The following TNFRSF13B variants were observed in gnomAD, a reference collection of about 807,000 sequenced individuals.
TNFRSF13B encodes TNF receptor superfamily member 13B, also known as tumor necrosis factor receptor superfamily member 13B.
In TNFRSF13B, 34 loss-of-function variants were observed where a neutral mutation model predicts 24.0. The ratio of observed to expected loss-of-function variants is 1.41; its 90% confidence interval spans 1.08 to 1.88. TNFRSF13B has a LOEUF of 1.88. TNFRSF13B is among the 40% of genes most tolerant of loss of function. The probability of loss-of-function intolerance (pLI) is 0.00; values close to 1 mark genes in which losing one functional copy is unlikely to be tolerated. For synonymous variants in TNFRSF13B, 173 were observed against 150.3 expected, an observed-to-expected ratio of 1.15 and a Z score of -1.10; for missense variants, 415 against 380.8, an observed-to-expected ratio of 1.09 and a Z score of -0.75.
Position 16,940,391 on chromosome 17 carries a change from CT to C in TNFRSF13B, c.565del (p.Arg189GlyfsTer32). 1.9e-6 allele frequency: 3 copies of C among 1,614,090 alleles called. No homozygotes were observed. The highest frequency in any genetic ancestry group is 2.5e-6 in the Non-Finnish European group (3 of 1,180,022). On this transcript the variant is annotated frameshift_variant, in exon 4 of 5. Transcript: ENST00000261652. LOFTEE classifies it high-confidence loss of function. ...LVAVACFLKK[R>X]GDPCSCQPRS... ...GGGCTGGCAGGAGCAGGGATCCCCC[CT>C]CTTCTTGAGGAAGCAGGCCACCGCC...
chr17:16,940,622 G>C, intron 3 of TNFRSF13B, 111 bp from the exon 4 acceptor site: 1 of 1,528,764 alleles, frequency 6.5e-7, no homozygotes, highest in Non-Finnish European at 8.8e-7. Flanking sequence ...CTGGCTCCTG[G>C]AGAGGCTGGG....
In TNFRSF13B at chr17:16,939,568, C is replaced by T; in HGVS notation, c.861G>A (p.Gln287=). The T allele has an allele frequency of 6.2e-7, 1 of 1,613,474 alleles. No homozygotes were observed. The highest frequency in any genetic ancestry group is 8.5e-7 in the Non-Finnish European group (1 of 1,179,714). ...CCATTTATGCACCTGGGCCCCCCTC[C>T]TGGGCAGGCACACACACAATGCCAA... is the stretch of plus-strand genomic sequence containing the variant. ...SGLGIVCVPA[Q]EGGPGA Residue 287 remains glutamine (Q), a synonymous_variant, in exon 5 of 5, where the codon CAG becomes CAA. Coordinates refer to ENST00000261652, the MANE Select transcript of TNFRSF13B (RefSeq NM_012452.3).
Position 16,966,995 on chromosome 17 carries a change from T to A in TNFRSF13B, c.61+5020A>T, listed in dbSNP as rs142420009. ...CTGGGATTACAGGCACTCGCCAGCA[T>A]GCCTGGCTAATTTTTGTATTTTTAG... On this transcript the variant is annotated intron_variant, in intron 1 of 4. Coordinates refer to ENST00000261652, the MANE Select transcript of TNFRSF13B (RefSeq NM_012452.3). Among the ~76,000 whole-genome samples, 1,174 of 152,064 alleles carry A rather than the reference T, an allele frequency of 7.7e-3. 21 individuals carry two copies. The highest frequency in any genetic ancestry group is 0.027 in the African/African-American group (1,106 of 41,468).
chr17:16,939,746 T>G lies in TNFRSF13B; in HGVS notation c.683A>C (p.Glu228Ala), dbSNP rs201886192. 14 of 1,608,966 alleles carry G rather than the reference T, an allele frequency of 8.7e-6. No individual in the cohort carries two copies. The African/African-American group carries it at 1.3e-4, about 15-fold the overall frequency. Reference protein sequence around the residue: ...SPVSTSPEPVETCSFCFPECR... With the variant: ...SPVSTSPEPVATCSFCFPECR... ...CTCAGGGAAGCAGAAGCTGCAGGTCTCCACTGGCTCGGGGGATGTGCTCAC... is the reference window on the plus strand; with the variant it reads ...CTCAGGGAAGCAGAAGCTGCAGGTCGCCACTGGCTCGGGGGATGTGCTCAC... The change falls in exon 5 of 5, where the codon GAG becomes GCG. Residue 228 changes from glutamate (E) to alanine (A), a missense_variant. Coordinates refer to ENST00000261652, the MANE Select transcript of TNFRSF13B (RefSeq NM_012452.3).
chr17:16,947,531 T>C (rs965767356), intron 3 of TNFRSF13B, among the ~76,000 whole-genome samples: 1 of 152,140 alleles, frequency 6.6e-6, no homozygotes, highest in East Asian at 1.9e-4. Context: ...CACTAAAAAG[T>C]AGGCAAAAGA....
In TNFRSF13B at chr17:16,948,861, G is replaced by A. The variant is rs1214363861; in HGVS notation, c.322C>T (p.Leu108Phe). The A allele has an allele frequency of 6.2e-7, 1 of 1,614,122 alleles. No homozygotes were observed. The highest frequency in any genetic ancestry group is 8.5e-7 in the Non-Finnish European group (1 of 1,180,036). ...GGTGGAAGGTTCACTGGGCTCCTGA[G>A]CTTGTTCTCACAGAAGTATGCACAT... ...KQCAYFCENK[L>F]RSPVNLPPEL... Residue 108 changes from leucine to phenylalanine, a missense_variant, in exon 3 of 5, where the codon CTC (leucine) becomes TTC (phenylalanine). Physicochemically the swap from Leu to Phe is conservative, Grantham distance 22. Transcript: ENST00000261652.
chr17:16,953,416 A>G (rs773549644), intron 1 of TNFRSF13B, among the ~76,000 whole-genome samples: 6 of 152,192 alleles, frequency 3.9e-5, no homozygotes, highest in Non-Finnish European at 8.8e-5. Flanking sequence ...TGATGTATGT[A>G]TGCACCTGTG....
intron 1 of TNFRSF13B, among the ~76,000 whole-genome samples, chr17:16,953,610 A>G (rs1465562270): frequency 2.0e-5 from 3 of 152,124 alleles, no homozygotes; most frequent in African/African-American, 4.8e-5. Context: ...CCTGAGACTC[A>G]TCCATGTGGG....
At chr17:16,946,823 A>G (rs1369319460) in intron 3 of TNFRSF13B, among the ~76,000 whole-genome samples, 3 of 152,082 alleles carry the variant, frequency 2.0e-5, no homozygotes, top group Admixed American at 2.0e-4. Context: ...CCGAACCACA[A>G]GTGATCCGCC....
At chr17:16,962,498 C>G (rs933761492) in intron 1 of TNFRSF13B, among the ~76,000 whole-genome samples, 10 of 150,542 alleles carry the variant, frequency 6.6e-5, no homozygotes, top group African/African-American at 2.2e-4. Context: ...CAGAGTGAGA[C>G]TCGGTCTCCC....
Position 16,948,963 on chromosome 17 carries a change from C to G in TNFRSF13B, c.220G>C (p.Glu74Gln). The G allele has an allele frequency of 6.2e-7, 1 of 1,614,116 alleles. No individual in the cohort carries two copies. Among genetic ancestry groups the G allele is most frequent in the Non-Finnish European group, 8.5e-7 (1 of 1,180,032 alleles). The stretch of plus-strand genomic sequence containing the variant: ...AGATGGTCATAGAACTTGCCTTGCT[C>G]CTTGCGGCAGCTGAGTGACCCTGGG... Reference protein sequence around the residue: ...AFCRSLSCRKEQGKFYDHLLR... With the variant: ...AFCRSLSCRKQQGKFYDHLLR... The change falls in exon 3 of 5, where the codon GAG (glutamate) becomes CAG (glutamine). Residue 74 changes from glutamate (E) to glutamine (Q), a missense_variant. Physicochemically the swap from Glu to Gln is conservative, Grantham distance 29. Coordinates refer to ENST00000261652, the MANE Select transcript of TNFRSF13B (RefSeq NM_012452.3).
chr17:16,964,503 C>CGG (rs1567656303), intron 1 of TNFRSF13B, among the ~76,000 whole-genome samples: 2 of 151,918 alleles, frequency 1.3e-5, no homozygotes, highest in Non-Finnish European at 2.9e-5. Flanking sequence ...CCCCTACACC[C>CGG]GGCTAATTTT....
intron 4 of TNFRSF13B, 102 bp from the exon 5 acceptor site, chr17:16,939,899 G>A: frequency 7.0e-7 from 1 of 1,423,298 alleles, no homozygotes; most frequent in Non-Finnish European, 9.2e-7. Flanking sequence ...AGGAGCTAAG[G>A]GCAATCACCA....
At chr17:16,940,199 G>C (rs2087499051) in intron 4 of TNFRSF13B, 127 bp downstream of exon 4, 1 of 1,590,808 alleles carries the variant, frequency 6.3e-7, no homozygotes, top group Admixed American at 1.7e-5. Context: ...TCAAGGTATA[G>C]CAAGTAACAG....
rs2143640084 is a variant in TNFRSF13B at position 16,939,685 on chromosome 17, A to C, written c.744T>G (p.Pro248=). Residue 248 remains proline (P), a synonymous_variant, in exon 5 of 5, where the codon CCT becomes CCG. Coordinates refer to ENST00000261652, the MANE Select transcript of TNFRSF13B (RefSeq NM_012452.3). ...RAPTQESAVT[P]GTPDPTCAGR... is the part of the protein sequence containing the mutation. ...CAGCACAAGTGGGGTCGGGGGTCCC[A>C]GGCGTGACTGCGCTCTCCTGCGTGG... 6.2e-7 allele frequency: 1 copy of C among 1,610,360 alleles called. No homozygotes were observed. The highest frequency in any genetic ancestry group is 1.7e-5 in the Admixed American group (1 of 59,842).
At chr17:16,961,258 G>T (rs2087660508) in intron 1 of TNFRSF13B, among the ~76,000 whole-genome samples, 1 of 152,146 alleles carries the variant, frequency 6.6e-6, no homozygotes, top group African/African-American at 2.4e-5. Context: ...ACATCCAAAA[G>T]AACTGAAACA....
Position 16,939,437 on chromosome 17 carries a change from T to C in TNFRSF13B, c.*110A>G. ...TGTCTCCTCTGTTTCTCTCCCTCTC[T>C]GCCTCCTCTGTCTCTCTCTCCTCAT... On this transcript the variant is annotated 3_prime_UTR_variant, in exon 5 of 5. Transcript: ENST00000261652. 1.5e-6 allele frequency: 2 copies of C among 1,314,840 alleles called. No homozygotes were observed. Among genetic ancestry groups the C allele is most frequent in the South Asian group, 2.9e-5 (2 of 68,326 alleles). 81.4% of individuals were successfully genotyped at this position (1,314,840 alleles called of 1,614,324 possible).
rs149635611 is a variant in TNFRSF13B at position 16,939,689 on chromosome 17, G to A, written c.740C>T (p.Thr247Met). 7.6e-5 allele frequency: 123 copies of A among 1,609,658 alleles called. No homozygotes were observed. In the East Asian group the frequency reaches 2.1e-3, roughly 27 times the overall value. Reference protein sequence around the residue: ...CRAPTQESAVTPGTPDPTCAG... With the variant: ...CRAPTQESAVMPGTPDPTCAG... ...ACAAGTGGGGTCGGGGGTCCCAGGC[G>A]TGACTGCGCTCTCCTGCGTGGGCGC... Residue 247 changes from threonine to methionine, a missense_variant, in exon 5 of 5, where the codon ACG (threonine) becomes ATG (methionine). Thr to Met is a moderately conservative substitution (Grantham distance 81, BLOSUM62 -1). Coordinates refer to ENST00000261652, the MANE Select transcript of TNFRSF13B (RefSeq NM_012452.3).
At chr17:16,955,885 T>C (rs967516998) in intron 1 of TNFRSF13B, among the ~76,000 whole-genome samples, 1 of 152,268 alleles carries the variant, frequency 6.6e-6, no homozygotes, top group Non-Finnish European at 1.5e-5. Flanking sequence ...TACTATTCCA[T>C]GGCAGTGCCA....
Sources: gnomAD v4.1 joint callset for allele counts (sites outside exome capture counted in the v4.1 genomes callset) on GRCh38, gnomAD v4.1.1 for gene constraint, MANE v1.5 for transcripts, NCBI Gene and HGNC (gene_info 2026-07-23, HGNC 2026-07-21) for gene names.